Variants in BCO2 observed in about 807,000 individuals in gnomAD.
BCO2 encodes beta-carotene oxygenase 2.
BCO2 carries 56 observed loss-of-function variants against 65.8 expected under a neutral mutation model. The observed-to-expected ratio is 0.85, with a 90% CI of 0.69 to 1.06. The LOEUF (loss-of-function observed/expected upper bound fraction) is 1.06, where lower values mean the gene tolerates loss of function less well. Among genes scored for constraint, BCO2 ranks in the 50% least tolerant of loss-of-function variants. The pLI is 0.00. For synonymous variants in BCO2, 233 were observed against 242.3 expected (o/e 0.96, Z 0.36); for missense variants, 675 against 698.5 (o/e 0.97, Z 0.38).
intron 2 of BCO2, among the ~76,000 whole-genome samples, chr11:112,185,545 T>G (rs886887693): frequency 6.6e-6 from 1 of 152,216 alleles, no homozygotes; most frequent in African/African-American, 2.4e-5. Flanking sequence ...TGACACATCC[T>G]TTATTAGCAC....
intron 11 of BCO2, among the ~76,000 whole-genome samples, chr11:112,217,057 A>G (rs1242044983): frequency 6.6e-6 from 1 of 152,222 alleles, no homozygotes; most frequent in East Asian, 1.9e-4. Context: ...GCTGGCCTTT[A>G]AACAGCTCCA....
At chr11:112,205,806 C>G (rs1377672663) in intron 8 of BCO2, among the ~76,000 whole-genome samples, 1 of 151,206 alleles carries the variant, frequency 6.6e-6, no homozygotes, top group Non-Finnish European at 1.5e-5. Flanking sequence ...GTTATGTTGC[C>G]AAGGCTTTTC....
chr11:112,218,839 A>G lies in BCO2; in HGVS notation c.*965A>G, dbSNP rs1859762243. On this transcript the variant is annotated 3_prime_UTR_variant, in exon 12 of 12. Transcript: ENST00000357685. ...GGCTCTTACTTGAAATAATTAAGAA[A>G]GTATTGATACAACCTTTTGAAGAGG... 6.6e-6 allele frequency: 1 copy of G among 152,252 alleles called. No individual in the cohort carries two copies. Among genetic ancestry groups the G allele is most frequent in the East Asian group, 1.9e-4 (1 of 5,206 alleles). 9.4% of individuals were successfully genotyped at this position (152,252 alleles called of 1,614,324 possible).
At chr11:112,215,377 T>C (rs1018174707) in intron 10 of BCO2, 11 of 186,694 alleles carry the variant, frequency 5.9e-5, no homozygotes, top group African/African-American at 2.6e-4. Flanking sequence ...CTGTTCTGTG[T>C]TGTTATAAAG....
chr11:112,175,769 A>G, intron 1 of BCO2, 80 bp downstream of exon 1: 1 of 1,278,226 alleles, frequency 7.8e-7, no homozygotes, highest in Non-Finnish European at 1.1e-6. Flanking sequence ...TCTTTCCTGA[A>G]GGTTGCTGGG....
intron 7 of BCO2, 146 bp from the exon 8 acceptor site, chr11:112,201,877 T>C: frequency 1.7e-6 from 1 of 585,618 alleles, no homozygotes; most frequent in Non-Finnish European, 2.8e-6. Flanking sequence ...TGTATTCTAC[T>C]TTTATATATA....
intron 5 of BCO2, 139 bp downstream of exon 5, chr11:112,194,894 C>T: frequency 1.8e-6 from 1 of 546,470 alleles, no homozygotes; most frequent in East Asian, 3.2e-5. Context: ...CCAGCTCTCT[C>T]TCCTCTTTAT....
Position 112,214,916 on chromosome 11 carries a change from A to G in BCO2, c.1487A>G (p.Lys496Arg). 2 of 1,614,190 alleles carry G rather than the reference A, an allele frequency of 1.2e-6. No homozygotes were observed. Among genetic ancestry groups the G allele is most frequent in the East Asian group, 2.2e-5 (1 of 44,868 alleles). ...CATTTAGTGGGGGATTCTCTGATCAAGGTTGATGTGGTGAATAAGACACTG... is the reference window on the plus strand; with the variant it reads ...CATTTAGTGGGGGATTCTCTGATCAGGGTTGATGTGGTGAATAAGACACTG... ...FRHLVGDSLIKVDVVNKTLKV... is the reference protein window; with the variant it reads ...FRHLVGDSLIRVDVVNKTLKV... Residue 496 changes from lysine to arginine, a missense_variant, in exon 10 of 12, where the codon AAG (lysine) becomes AGG (arginine). Physicochemically the swap from Lys to Arg is conservative, Grantham distance 26. Transcript: ENST00000357685.
chr11:112,189,403 A>AG lies in BCO2; in HGVS notation c.294-4071_294-4070insG, dbSNP rs1566774966. On this transcript the variant is annotated intron_variant, in intron 2 of 11. Transcript: ENST00000357685. The stretch of plus-strand genomic sequence containing the variant: ...ATTAAACAAAATTGATAGAAAAGGA[A>AG]ATTTTTTTTTTTTTTTTTTTGAGAC... Among the ~76,000 whole-genome samples the AG allele has an allele frequency of 1.0e-3, 139 of 136,200 alleles. 7 individuals carry two copies. The highest frequency in any genetic ancestry group is 2.0e-3 in the African/African-American group (74 of 37,812). 89.4% of individuals were successfully genotyped at this position (136,200 alleles called of 152,430 possible).
intron 8 of BCO2, among the ~76,000 whole-genome samples, chr11:112,213,220 C>G (rs573793883): frequency 1.9e-4 from 27 of 143,672 alleles, no homozygotes; most frequent in African/African-American, 6.5e-4. Context: ...CTCGGCTCAC[C>G]GCAACTTCCA....
chr11:112,200,579 A>G, intron 6 of BCO2, 34 bp from the exon 7 acceptor site: 1 of 1,575,854 alleles, frequency 6.3e-7, no homozygotes, highest in South Asian at 1.2e-5. Flanking sequence ...TAGTTTGCCA[A>G]ATAACATTTT....
rs1359460201 is a variant in BCO2, at chr11:112,199,810, C to T, written c.848C>T (p.Ser283Phe). 6.2e-7 allele frequency: 1 copy of T among 1,613,952 alleles called. No homozygotes were observed. The highest frequency in any genetic ancestry group is 2.2e-5 in the East Asian group (1 of 44,886). Residue 283 changes from serine to phenylalanine, a missense_variant, in exon 6 of 12, where the codon TCT (serine) becomes TTT (phenylalanine). Ser to Phe is a radical substitution (Grantham distance 155, BLOSUM62 -2). Coordinates refer to ENST00000357685, the MANE Select transcript of BCO2 (RefSeq NM_031938.7). ...SIASTEKGKP[S>F]YYHSFGMTRN... ...GCTTCTACAGAGAAAGGGAAACCTTCTTACTACCATAGCTTTGGTGAGTCC... is the reference window on the plus strand; with the variant it reads ...GCTTCTACAGAGAAAGGGAAACCTTTTTACTACCATAGCTTTGGTGAGTCC...
rs372894731 is a variant in BCO2, at chr11:112,216,340, T to G, written c.1626+10T>G. On this transcript the variant is annotated intron_variant, in intron 11 of 11. Coordinates refer to ENST00000357685, the MANE Select transcript of BCO2 (RefSeq NM_031938.7). ...GATCACTCCCAACCAGGTAAATATA[T>G]TTCCCTATCACCAGTCAGAAAGAAA... 171 of 1,595,280 alleles carry G rather than the reference T, an allele frequency of 1.1e-4. 2 individuals carry two copies. In the African/African-American group the frequency reaches 1.8e-3, roughly 17 times the overall value.
chr11:112,212,726 T>C (rs776084181), intron 8 of BCO2, among the ~76,000 whole-genome samples: 9 of 152,200 alleles, frequency 5.9e-5, no homozygotes, highest in African/African-American at 9.7e-5. Flanking sequence ...AGGGTTTTTA[T>C]TGGGGATGAA....
intron 4 of BCO2, 80 bp downstream of exon 4, chr11:112,194,074 T>C: frequency 1.2e-6 from 1 of 831,306 alleles, no homozygotes; most frequent in East Asian, 2.5e-5. Flanking sequence ...GAGTAGTATA[T>C]ATCAAGAAGA....
intron 8 of BCO2, among the ~76,000 whole-genome samples, chr11:112,204,958 C>G (rs1867830910): frequency 6.6e-6 from 1 of 152,182 alleles, no homozygotes; most frequent in Non-Finnish European, 1.5e-5. Flanking sequence ...AGCCACCACA[C>G]CCAGCCTTTA....
intron 2 of BCO2, 75 bp downstream of exon 2, chr11:112,179,557 C>T (rs983361941): frequency 7.8e-7 from 1 of 1,279,622 alleles, no homozygotes; most frequent in Non-Finnish European, 1.1e-6. Flanking sequence ...TTAATATCTG[C>T]TTCCTCTGTG....
intron 2 of BCO2, chr11:112,182,026 A>C (rs1455245589): frequency 1.8e-5 from 7 of 393,208 alleles, no homozygotes. Context: ...AAACAACCCC[A>C]TCAAAAAGTG....
intron 2 of BCO2, among the ~76,000 whole-genome samples, chr11:112,183,756 C>G (rs575890683): frequency 1.8e-4 from 28 of 152,220 alleles, no homozygotes; most frequent in African/African-American, 6.7e-4. Flanking sequence ...TTTTCAGGTT[C>G]GTTTTTACAA....
Sources: allele counts gnomAD v4.1 joint callset (sites outside exome capture counted in the v4.1 genomes callset), GRCh38; gene constraint gnomAD v4.1.1; transcripts MANE v1.5; gene names NCBI Gene and HGNC (gene_info 2026-07-23, HGNC 2026-07-21).